TOPAZ1: variants seen among roughly 807,000 people sequenced by gnomAD.
TOPAZ1 encodes protein TOPAZ1.
Under a neutral mutation model 172.2 loss-of-function variants are expected in TOPAZ1, and 66 were observed. The ratio of observed to expected loss-of-function variants is 0.38; its 90% CI spans 0.31 to 0.47. The LOEUF (loss-of-function observed/expected upper bound fraction) is 0.47, where lower values mean the gene tolerates loss of function less well. TOPAZ1 is among the 20% of genes least tolerant of loss of function. The probability of loss-of-function intolerance (pLI) is 0.99; values close to 1 mark genes in which losing one functional copy is unlikely to be tolerated. For missense variants in TOPAZ1, 1,822 were observed against 1,972.4 expected (o/e 0.92, Z 1.44); for synonymous variants, 681 against 683.9 (o/e 1.00, Z 0.07).
chr3:44,272,026 A>G (rs1448449535), intron 8 of TOPAZ1, among the ~76,000 whole-genome samples: 1 of 152,030 alleles, frequency 6.6e-6, no homozygotes, highest in Non-Finnish European at 1.5e-5. Flanking sequence ...TACTTGGCTT[A>G]TTTCAGTTAG....
intron 12 of TOPAZ1, among the ~76,000 whole-genome samples, chr3:44,292,589 G>A (rs1182291381): frequency 6.6e-6 from 1 of 152,170 alleles, no homozygotes; most frequent in Admixed American, 6.5e-5. Context: ...CACCCTTCAT[G>A]CAATGATTGA....
rs1255595908 is a variant in TOPAZ1 at position 44,321,114 on chromosome 3, A to G, written c.4394A>G (p.His1465Arg). The change falls in exon 17 of 20, where the codon CAT becomes CGT. Residue 1465 changes from histidine to arginine, a missense_variant. Physicochemically the swap from His to Arg is conservative, Grantham distance 29. Transcript: ENST00000309765. ...NRHNLLCTIA[H>R]EILAKSLYRQ... Reference sequence around the variant, plus strand: ...CATAATTTACTCTGTACAATTGCACATGAAATCTTAGCCAAGAGCCTTTAT... The same window carrying G: ...CATAATTTACTCTGTACAATTGCACGTGAAATCTTAGCCAAGAGCCTTTAT... The G allele has an allele frequency of 2.6e-6, 4 of 1,551,086 alleles. No homozygotes were observed. In the African/African-American group the frequency reaches 5.5e-5, roughly 21 times the overall value.
chr3:44,312,250 A>C lies in TOPAZ1; in HGVS notation c.4306+2260A>C, dbSNP rs537926796. On this transcript the variant is annotated intron_variant, in intron 16 of 19. Coordinates refer to ENST00000309765, the MANE Select transcript of TOPAZ1 (RefSeq NM_001145030.2). The stretch of plus-strand genomic sequence containing the variant: ...CAAAGCCAAAAAAAAAAAAAAAAAC[A>C]CAGGAATGTACAGAGCAGTTGCTAC... 3.3e-5 allele frequency among the ~76,000 whole-genome samples: 5 copies of C among 151,086 alleles called. No homozygotes were observed. In the East Asian group the frequency reaches 5.8e-4, roughly 18 times the overall value.
chr3:44,318,230 TC>T (rs961241597), intron 16 of TOPAZ1, among the ~76,000 whole-genome samples: 4 of 152,082 alleles, frequency 2.6e-5, no homozygotes, highest in Non-Finnish European at 4.4e-5. Context: ...GGTGGATTGA[TC>T]ACCTGAGGTC....
At chr3:44,257,352 G>GGGGGGT (rs1264696203) in intron 4 of TOPAZ1, among the ~76,000 whole-genome samples, 11 of 110,402 alleles carry the variant, frequency 1.0e-4, no homozygotes, top group African/African-American at 3.5e-4. Context: ...AAAACATAGG[G>GGGGGGT]GTGTGTGTGT....
Position 44,270,704 on chromosome 3 carries a change from G to T in TOPAZ1, c.3266G>T (p.Gly1089Val). 6.5e-7 allele frequency: 1 copy of T among 1,548,974 alleles called. No homozygotes were observed. The highest frequency in any genetic ancestry group is 8.7e-7 in the Non-Finnish European group (1 of 1,145,680). The change falls in exon 8 of 20, where the codon GGG becomes GTG. Residue 1089 changes from glycine (G) to valine (V), a missense_variant. By Grantham distance (109) the Gly-to-Val change is moderately radical (BLOSUM62 -3). This residue lies in a region of TOPAZ1 where 1,489 missense variants were observed against 1,490.8 expected (regional missense o/e 1.00). Transcript: ENST00000309765. ...TTCTAGGTGTTCCAGAAGTCCCTAG[G>T]GTTGATGATACCCTATAAATATTGC... is the stretch of plus-strand genomic sequence containing the variant. ...KNVGVFQKSL[G>V]LMIPYKYCKF...
At chr3:44,250,262 C>T (rs939308960) in intron 2 of TOPAZ1, among the ~76,000 whole-genome samples, 17 of 110,736 alleles carry the variant, frequency 1.5e-4, no homozygotes, top group African/African-American at 5.4e-4. Context: ...AAAAAAAAAA[C>T]AGGTTTCCAC....
chr3:44,241,980 G>C lies in TOPAZ1; in HGVS notation c.-74G>C. 1 of 1,389,236 alleles carries C rather than the reference G, an allele frequency of 7.2e-7. No homozygotes were observed. The highest frequency in any genetic ancestry group is 9.8e-7 in the Non-Finnish European group (1 of 1,025,290). 86.1% of individuals were successfully genotyped at this position (1,389,236 alleles called of 1,614,324 possible). Reference sequence around the variant, plus strand: ...AGAGGGCAGTAGGTACCTCCAGGCGGGAGCAGCGTTTGCACCGCGGTGGGT... The same window carrying C: ...AGAGGGCAGTAGGTACCTCCAGGCGCGAGCAGCGTTTGCACCGCGGTGGGT... On this transcript the variant is annotated 5_prime_UTR_variant, in exon 1 of 20. Transcript: ENST00000309765.
chr3:44,299,564 A>G (rs1232077389), intron 12 of TOPAZ1, among the ~76,000 whole-genome samples: 3 of 152,066 alleles, frequency 2.0e-5, no homozygotes, highest in Non-Finnish European at 4.4e-5. Context: ...GGGATCTAGA[A>G]CTAGAAATAC....
intron 16 of TOPAZ1, among the ~76,000 whole-genome samples, chr3:44,311,860 G>A (rs1310352358): frequency 6.6e-6 from 1 of 152,126 alleles, no homozygotes; most frequent in African/African-American, 2.4e-5. Flanking sequence ...GAACCCATTA[G>A]ACTATCAAAG....
intron 16 of TOPAZ1, among the ~76,000 whole-genome samples, chr3:44,311,316 A>G (rs774271538): frequency 1.6e-4 from 24 of 152,340 alleles, no homozygotes; most frequent in Admixed American, 2.0e-4. Flanking sequence ...GTACCAAAAT[A>G]CAAAAATGGA....
At chr3:44,328,130 A>G in intron 18 of TOPAZ1, 120 bp from the exon 19 acceptor site, 1 of 570,490 alleles carries the variant, frequency 1.8e-6, no homozygotes, top group South Asian at 3.1e-5. Flanking sequence ...TAATTTGTTA[A>G]TCTACTTCTA....
At chr3:44,260,190 A>G (rs1011965657) in intron 4 of TOPAZ1, among the ~76,000 whole-genome samples, 1 of 152,144 alleles carries the variant, frequency 6.6e-6, no homozygotes, top group Non-Finnish European at 1.5e-5. Flanking sequence ...CTTTCCTTAT[A>G]AATTACCCAG....
At chr3:44,332,192 C>T (rs1405398851), downstream of TOPAZ1, 2 of 548,488 alleles carry the variant, frequency 3.6e-6, no homozygotes, top group Admixed American at 3.5e-5. Context: ...TTTATTCACA[C>T]AGAAAAGTGA....
chr3:44,281,834 C>G, intron 8 of TOPAZ1, 134 bp from the exon 9 acceptor site: 1 of 559,316 alleles, frequency 1.8e-6, no homozygotes, highest in Non-Finnish European at 3.2e-6. Flanking sequence ...GTTAACCAAA[C>G]ATCAGCTTCT....
intron 12 of TOPAZ1, among the ~76,000 whole-genome samples, chr3:44,303,460 C>T (rs1700298068): frequency 7.1e-6 from 1 of 140,368 alleles, no homozygotes; most frequent in Admixed American, 7.2e-5. Context: ...TGGTTCTGAT[C>T]TACCCAGATG....
At chr3:44,264,676 C>T (rs534046895) in intron 5 of TOPAZ1, among the ~76,000 whole-genome samples, 2 of 152,324 alleles carry the variant, frequency 1.3e-5, no homozygotes, top group Admixed American at 1.3e-4. Context: ...TGTTTGATAG[C>T]ATTTTACCAA....
intron 16 of TOPAZ1, among the ~76,000 whole-genome samples, chr3:44,311,082 A>T (rs568283852): frequency 1.3e-5 from 2 of 152,348 alleles, no homozygotes; most frequent in East Asian, 3.9e-4. Context: ...TAAATAAAGC[A>T]AATTGAGAAC....
intron 2 of TOPAZ1, among the ~76,000 whole-genome samples, chr3:44,245,763 T>C (rs6778618): frequency 3.2e-4 from 48 of 152,182 alleles, no homozygotes; most frequent in Middle Eastern, 3.4e-3. Flanking sequence ...ATGGTCTTGA[T>C]CTCCTGACCT....
Sources: allele counts gnomAD v4.1 joint callset (sites outside exome capture counted in the v4.1 genomes callset), GRCh38; gene constraint gnomAD v4.1.1; regional missense constraint gnomAD v4.1.1; transcripts MANE v1.5; gene names NCBI Gene and HGNC (gene_info 2026-07-23, HGNC 2026-07-21).